Variants in UBE2J1 observed in about 807,000 individuals in gnomAD.
UBE2J1 encodes the protein ubiquitin conjugating enzyme E2 J1.
A neutral mutation model predicts 42.1 loss-of-function variants in UBE2J1; 17 were observed. That is an observed-to-expected ratio of 0.40 (90% CI 0.28 to 0.61). The LOEUF (loss-of-function observed/expected upper bound fraction) is 0.61, where lower values mean the gene tolerates loss of function less well. Ranked by LOEUF, UBE2J1 falls within the 20% of genes least tolerant of loss-of-function variation. The probability of loss-of-function intolerance (pLI) is 0.38; values close to 1 mark genes in which losing one functional copy is unlikely to be tolerated. For synonymous variants in UBE2J1, 127 were observed against 137.2 expected (o/e 0.93, Z 0.52); for missense variants, 291 against 389.4 (o/e 0.75, Z 2.13).
rs1768040568 is a variant in UBE2J1 at position 89,333,114 on chromosome 6, G to A, written c.650C>T (p.Thr217Ile). Residue 217 changes from threonine (T) to isoleucine (I), a missense_variant, in exon 7 of 8, where the codon ACA becomes ATA. Transcript: ENST00000435041. ...TGTACTGGCCGTAGCACCCTGGAAT[G>A]TTGTAGGTATATCATCTTGTAAATC... is the stretch of plus-strand genomic sequence containing the variant. The part of the protein sequence containing the change: ...LTDLQDDIPT[T>I]FQGATASTSY... 1.9e-6 allele frequency: 3 copies of A among 1,612,828 alleles called. No homozygotes were observed. The East Asian group carries it at 6.7e-5, about 36-fold the overall frequency.
intron 1 of UBE2J1, 111 bp from the exon 2 acceptor site, chr6:89,343,867 T>C (rs1158652213): frequency 8.3e-6 from 6 of 719,242 alleles, no homozygotes; most frequent in Non-Finnish European, 1.3e-5. Flanking sequence ...CAAATGAGCA[T>C]ATGGCAAAGG....
intron 5 of UBE2J1, among the ~76,000 whole-genome samples, chr6:89,337,386 G>A (rs1052657078): frequency 6.6e-6 from 1 of 151,952 alleles, no homozygotes; most frequent in Non-Finnish European, 1.5e-5. Context: ...CCCATAGTTT[G>A]GAAATAAGGT....
chr6:89,343,777 T>C (rs1768305953), intron 1 of UBE2J1, 21 bp from the exon 2 acceptor site: 2 of 1,552,000 alleles, frequency 1.3e-6, no homozygotes, highest in South Asian at 1.2e-5. Context: ...ATTCATAAAA[T>C]AGAGATATTT....
At chr6:89,338,111 A>T in intron 5 of UBE2J1, 94 bp downstream of exon 5, 1 of 786,620 alleles carries the variant, frequency 1.3e-6, no homozygotes, top group Non-Finnish European at 2.0e-6. Flanking sequence ...TCACTCAGAA[A>T]ATAAGTCACA....
intron 5 of UBE2J1, among the ~76,000 whole-genome samples, chr6:89,336,354 A>C (rs1283197205): frequency 6.6e-6 from 1 of 152,024 alleles, no homozygotes; most frequent in Non-Finnish European, 1.5e-5. Context: ...GCAGTGGTGC[A>C]ATCATGGCTT....
chr6:89,338,754 C>T (rs1253375963), intron 3 of UBE2J1, among the ~76,000 whole-genome samples: 1 of 147,866 alleles, frequency 6.8e-6, no homozygotes, highest in Non-Finnish European at 1.5e-5. Flanking sequence ...CAAGATCCAC[C>T]TCCCGGGTTC....
chr6:89,340,603 T>A (rs777914220), intron 3 of UBE2J1, among the ~76,000 whole-genome samples: 1 of 152,166 alleles, frequency 6.6e-6, no homozygotes, highest in Admixed American at 6.5e-5. Flanking sequence ...TTTTGACTGA[T>A]GAGAAAACAA....
rs190763570 is a variant in UBE2J1 at position 89,334,732 on chromosome 6, T to A, written c.558+570A>T. Among the ~76,000 whole-genome samples, 283 of 152,284 alleles carry A rather than the reference T, an allele frequency of 1.9e-3. 4 individuals are homozygous for A. Among genetic ancestry groups the A allele is most frequent in the Non-Finnish European group, 3.1e-3 (212 of 68,016 alleles). Reference sequence around the variant, plus strand: ...ATCCGCCCGCCTTGGCCTCCCAAAGTGCTGGGATTACAGGCGTGAGCCACC... The same window carrying A: ...ATCCGCCCGCCTTGGCCTCCCAAAGAGCTGGGATTACAGGCGTGAGCCACC... On this transcript the variant is annotated intron_variant, in intron 6 of 7. Transcript: ENST00000435041.
At chr6:89,351,061 G>T (rs541861644) in intron 1 of UBE2J1, among the ~76,000 whole-genome samples, 1 of 144,468 alleles carries the variant, frequency 6.9e-6, no homozygotes, top group Admixed American at 6.9e-5. Flanking sequence ...TCCCCACCCC[G>T]GGATTCTCTT....
chr6:89,352,529 C>T lies in UBE2J1; in HGVS notation c.31+10G>A. The T allele has an allele frequency of 6.4e-7, 1 of 1,569,172 alleles. No individual in the cohort carries two copies. Among genetic ancestry groups the T allele is most frequent in the Non-Finnish European group, 8.6e-7 (1 of 1,164,000 alleles). On this transcript the variant is annotated intron_variant, in intron 1 of 7. Transcript: ENST00000435041. Reference sequence around the variant, plus strand: ...CGCCCTCCTCGCCCAGGGGCCCCAGCCCTGCTCACCCGGACTCTTCAGGTT... The same window carrying T: ...CGCCCTCCTCGCCCAGGGGCCCCAGTCCTGCTCACCCGGACTCTTCAGGTT...
At chr6:89,349,999 G>A (rs1217959612) in intron 1 of UBE2J1, among the ~76,000 whole-genome samples, 4 of 47,506 alleles carry the variant, frequency 8.4e-5, no homozygotes, top group African/African-American at 5.0e-4. Context: ...ACAGATTATA[G>A]ACAAGTAGCA....
chr6:89,339,285 C>A (rs1218885808), intron 3 of UBE2J1, among the ~76,000 whole-genome samples: 1 of 147,920 alleles, frequency 6.8e-6, no homozygotes, highest in Non-Finnish European at 1.5e-5. Flanking sequence ...AGAAAATTAG[C>A]CAGGAGTGGT....
chr6:89,334,918 T>C (rs914027783), intron 6 of UBE2J1, among the ~76,000 whole-genome samples: 33 of 152,336 alleles, frequency 2.2e-4, no homozygotes, highest in African/African-American at 7.7e-4. Context: ...TTATTATTTA[T>C]AGATAATAAA....
chr6:89,333,213 C>A lies in UBE2J1; in HGVS notation c.559-8G>T, dbSNP rs183870615. 1.3e-3 allele frequency: 2,137 copies of A among 1,604,630 alleles called. 2 individuals are homozygous for A. The highest frequency in any genetic ancestry group is 1.7e-3 in the Non-Finnish European group (2,005 of 1,176,242). On this transcript the variant is annotated splice_polypyrimidine_tract_variant and splice_region_variant and intron_variant, in intron 6 of 7. Coordinates refer to ENST00000435041, the MANE Select transcript of UBE2J1 (RefSeq NM_016021.3). ...AGATGAATTGACTTCTGCCTATAAA[C>A]AAGATAGACCCAAGAGCAGTGTGAC...
intron 1 of UBE2J1, among the ~76,000 whole-genome samples, 166 bp downstream of exon 1, chr6:89,352,373 C>A (rs1003487916): frequency 6.6e-6 from 1 of 152,196 alleles, no homozygotes; most frequent in Non-Finnish European, 1.5e-5. Flanking sequence ...ACCCGGCCAC[C>A]TCGCCCTGCG....
intron 3 of UBE2J1, 114 bp from the exon 4 acceptor site, chr6:89,338,657 GTTTT>G (rs11300340): frequency 4.2e-4 from 44 of 105,440 alleles, no homozygotes; most frequent in East Asian, 1.2e-3. Flanking sequence ...TAAAAAGTTT[GTTTT>G]TTTTTTTTTT....
In UBE2J1 at chr6:89,329,544, TA is replaced by T; in HGVS notation, c.*134del. The T allele has an allele frequency of 1.0e-6, 1 of 955,998 alleles. No individual in the cohort carries two copies. Among genetic ancestry groups the T allele is most frequent in the Non-Finnish European group, 1.6e-6 (1 of 644,880 alleles). 59.2% of individuals were successfully genotyped at this position (955,998 alleles called of 1,614,324 possible). ...TCTGAATGTCTAGATATATTTATAC[TA>T]AACTTACAAGGATCAAAAAAAGGAA... is the stretch of plus-strand genomic sequence containing the variant. On this transcript the variant is annotated 3_prime_UTR_variant, in exon 8 of 8. Coordinates refer to ENST00000435041, the MANE Select transcript of UBE2J1 (RefSeq NM_016021.3).
At chr6:89,343,609 C>T in intron 2 of UBE2J1, 74 bp downstream of exon 2, 3 of 1,102,994 alleles carry the variant, frequency 2.7e-6, no homozygotes, top group Non-Finnish European at 3.9e-6. Flanking sequence ...TGACTCAAAG[C>T]AATGAAAAGC....
chr6:89,348,189 C>T (rs547392310), intron 1 of UBE2J1, among the ~76,000 whole-genome samples: 5 of 152,194 alleles, frequency 3.3e-5, no homozygotes, highest in African/African-American at 1.2e-4. Flanking sequence ...TCCATGGAAT[C>T]CTTTCACTGT....
Sources: allele counts gnomAD v4.1 joint callset (sites outside exome capture counted in the v4.1 genomes callset), GRCh38; gene constraint gnomAD v4.1.1; transcripts MANE v1.5; gene names NCBI Gene and HGNC (gene_info 2026-07-23, HGNC 2026-07-21).